The following EPS15L1 variants were observed in gnomAD, a reference collection of about 807,000 sequenced individuals.
The protein encoded by EPS15L1 is epidermal growth factor receptor pathway substrate 15 like 1, also known as epidermal growth factor receptor substrate 15-like 1.
A neutral mutation model predicts 117.1 loss-of-function variants in EPS15L1; 43 were observed. The observed-to-expected ratio is 0.37, with a 90% CI of 0.29 to 0.47. EPS15L1 has a LOEUF of 0.47. EPS15L1 is among the 20% of genes least tolerant of loss of function. The pLI is 0.99. For synonymous variants in EPS15L1, 459 were observed against 470.5 expected (o/e 0.98, Z 0.32); for missense variants, 981 against 1,164.0 (o/e 0.84, Z 2.29).
In EPS15L1 at chr19:16,405,533, T is replaced by C. The variant is rs565372041; in HGVS notation, c.1267-784A>G. ...TGGAAGCATACAGCGTGTGCAGAGG[T>C]ATACAACGTCTATGACAGCAAAATC... On this transcript the variant is annotated intron_variant, in intron 13 of 23. Transcript: ENST00000455140. This position sits in a 1 kb window ranked among gnomAD's most constrained non-coding sequence, Gnocchi z 4.0. 3.5e-4 allele frequency among the ~76,000 whole-genome samples: 54 copies of C among 152,240 alleles called. No homozygotes were observed. In the South Asian group the frequency reaches 3.9e-3, roughly 11 times the overall value.
intron 8 of EPS15L1, among the ~76,000 whole-genome samples, chr19:16,428,195 C>T (rs940701978): frequency 7.2e-6 from 1 of 138,054 alleles, no homozygotes; most frequent in African/African-American, 2.7e-5. Flanking sequence ...AGCAAGACTC[C>T]GTATCAAAAA....
At chr19:16,449,297 G>C (rs2093117517) in intron 1 of EPS15L1, among the ~76,000 whole-genome samples, 1 of 152,004 alleles carries the variant, frequency 6.6e-6, no homozygotes, top group African/African-American at 2.4e-5. Context: ...AAGAAGAAAA[G>C]AACATGGGCA....
intron 1 of EPS15L1, among the ~76,000 whole-genome samples, chr19:16,447,220 G>C (rs903442580): frequency 6.6e-6 from 1 of 152,156 alleles, no homozygotes; most frequent in Non-Finnish European, 1.5e-5. Flanking sequence ...TCAGGGAAAC[G>C]CTGGGGTATG....
chr19:16,471,235 A>C lies in EPS15L1; in HGVS notation c.33+678T>G, dbSNP rs1278169585. ...ATGCAGCGCTCCCAGCACCTGACCCAACGCACATTTGAGGGATGGATAGAA... is the reference window on the plus strand; with the variant it reads ...ATGCAGCGCTCCCAGCACCTGACCCCACGCACATTTGAGGGATGGATAGAA... On this transcript the variant is annotated intron_variant, in intron 1 of 23. Transcript: ENST00000455140. The surrounding 1 kb of genome is among the most constrained non-coding windows in gnomAD (Gnocchi z 4.8). 2.0e-5 allele frequency among the ~76,000 whole-genome samples: 3 copies of C among 152,198 alleles called. No homozygotes were observed. Among genetic ancestry groups the C allele is most frequent in the African/African-American group, 7.2e-5 (3 of 41,450 alleles).
intron 1 of EPS15L1, among the ~76,000 whole-genome samples, chr19:16,449,349 A>G (rs569157741): frequency 6.6e-6 from 1 of 152,372 alleles, no homozygotes; most frequent in East Asian, 1.9e-4. Context: ...AAGAGGAAAT[A>G]TAGCAGATGG....
At chr19:16,396,504 T>A (rs2092542276) in intron 16 of EPS15L1, among the ~76,000 whole-genome samples, 1 of 152,110 alleles carries the variant, frequency 6.6e-6, no homozygotes, top group Non-Finnish European at 1.5e-5. Flanking sequence ...GCTCAACTGA[T>A]CCTCCCACCT....
At chr19:16,419,097 G>A (rs2092789582) in intron 10 of EPS15L1, among the ~76,000 whole-genome samples, 2 of 152,232 alleles carry the variant, frequency 1.3e-5, no homozygotes, top group South Asian at 4.1e-4. Flanking sequence ...GGCCAAGGCA[G>A]CATCTGAATA....
chr19:16,421,714 C>T (rs1452219040), intron 9 of EPS15L1, among the ~76,000 whole-genome samples: 1 of 152,160 alleles, frequency 6.6e-6, no homozygotes, highest in East Asian at 1.9e-4. Context: ...CACCTCTCTC[C>T]ACCCCATCAC....
intron 1 of EPS15L1, among the ~76,000 whole-genome samples, chr19:16,465,669 A>G (rs1448910979): frequency 1.3e-5 from 2 of 152,156 alleles, no homozygotes; most frequent in African/African-American, 4.8e-5. Context: ...GCAATAGAGC[A>G]AGAGCCTGTC....
At chr19:16,396,099 G>GT (rs2092537925) in intron 16 of EPS15L1, among the ~76,000 whole-genome samples, 1 of 151,792 alleles carries the variant, frequency 6.6e-6, no homozygotes, top group Non-Finnish European at 1.5e-5. Context: ...GCAAGACCCT[G>GT]TATCTTTAAA....
intron 1 of EPS15L1, among the ~76,000 whole-genome samples, chr19:16,449,670 A>C (rs2093120939): frequency 6.6e-6 from 1 of 152,230 alleles, no homozygotes; most frequent in Non-Finnish European, 1.5e-5. Context: ...AGAAATGAAG[A>C]GTCATGTTCA....
intron 7 of EPS15L1, among the ~76,000 whole-genome samples, chr19:16,431,126 C>G (rs2092923208): frequency 6.6e-6 from 1 of 151,746 alleles, no homozygotes; most frequent in Non-Finnish European, 1.5e-5. Flanking sequence ...GTGTTCCCAG[C>G]TACTTGGGAG....
chr19:16,469,299 A>C (rs1253344025), intron 1 of EPS15L1, among the ~76,000 whole-genome samples: 1 of 152,078 alleles, frequency 6.6e-6, no homozygotes, highest in African/African-American at 2.4e-5. Flanking sequence ...GACTGAAAGG[A>C]GAGAGGATGA....
At chr19:16,410,052 T>G (rs555831217) in intron 13 of EPS15L1, among the ~76,000 whole-genome samples, 32 of 151,330 alleles carry the variant, frequency 2.1e-4, no homozygotes, top group African/African-American at 7.3e-4. Context: ...GAAAATCATT[T>G]GAACCCAGGA....
intron 15 of EPS15L1, among the ~76,000 whole-genome samples, chr19:16,402,868 A>C (rs2092616679): frequency 6.6e-6 from 1 of 152,168 alleles, no homozygotes; most frequent in East Asian, 1.9e-4. Context: ...GACAGGTGTA[A>C]GGCACTGCAC....
intron 16 of EPS15L1, chr19:16,401,601 T>A (rs1158060052): frequency 1.0e-6 from 1 of 985,414 alleles, no homozygotes; most frequent in Non-Finnish European, 1.2e-6. Context: ...GGTTCGAGGC[T>A]GCAGGGGCAG....
intron 22 of EPS15L1, among the ~76,000 whole-genome samples, chr19:16,369,676 A>AGTGTGTGTGT (rs10543332): frequency 0.012 from 1,799 of 146,116 alleles, 22 homozygotes; most frequent in East Asian, 0.02. Flanking sequence ...AAGAAAAAAA[A>AGTGTGTGTGT]GTGTGTGTGT....
intron 21 of EPS15L1, among the ~76,000 whole-genome samples, chr19:16,380,621 ACAGTCACACTGACACATC>A (rs1435658020): frequency 9.2e-5 from 14 of 152,126 alleles, no homozygotes; most frequent in Non-Finnish European, 1.8e-4. Flanking sequence ...TCACACTGAC[ACAGTCACACTGACACATC>A]CAGTCACACT....
At chr19:16,454,166 G>A (rs1325794766) in intron 1 of EPS15L1, among the ~76,000 whole-genome samples, 1 of 152,198 alleles carries the variant, frequency 6.6e-6, no homozygotes, top group African/African-American at 2.4e-5. Context: ...AGACTGCAAG[G>A]CACTGGAAAC....
Sources: gnomAD v4.1 joint callset for allele counts (sites outside exome capture counted in the v4.1 genomes callset) on GRCh38, gnomAD v4.1.1 for gene constraint, Gnocchi (gnomAD v3.1) non-coding constraint, MANE v1.5 for transcripts, NCBI Gene and HGNC (gene_info 2026-07-23, HGNC 2026-07-21) for gene names.